The following GBP3 variants were observed in gnomAD, a reference collection of about 807,000 sequenced individuals.
The protein encoded by GBP3 is guanylate binding protein 3, also known as guanylate-binding protein 3.
GBP3 carries 55 observed loss-of-function variants against 62.4 expected under a neutral mutation model. The ratio of observed to expected loss-of-function variants is 0.88; its 90% CI spans 0.71 to 1.10. GBP3 has a LOEUF of 1.10. GBP3 is among the 50% of genes least tolerant of loss of function. GBP3 has a pLI of 0.00. For synonymous variants in GBP3, 208 were observed against 259.2 expected, an observed-to-expected ratio of 0.80 and a Z score of 1.90; for missense variants, 605 against 690.6, an observed-to-expected ratio of 0.88 and a Z score of 1.39.
intron 1 of GBP3, among the ~76,000 whole-genome samples, chr1:89,021,510 G>GCGCGCACACACACACACACACACA (rs751639388): frequency 7.6e-6 from 1 of 131,668 alleles, no homozygotes; most frequent in African/African-American, 3.0e-5. Flanking sequence ...GCGCGCGCGC[G>GCGCGCACACACACACACACACACA]CACACACACA....
chr1:89,007,940 A>G, intron 10 of GBP3, 88 bp from the exon 11 acceptor site: 9 of 1,266,606 alleles, frequency 7.1e-6, no homozygotes, highest in South Asian at 1.6e-5. Context: ...TGATTTATTT[A>G]GTACTTAGTT....
At chr1:89,020,395 G>T in intron 2 of GBP3, 137 bp downstream of exon 2, 1 of 946,412 alleles carries the variant, frequency 1.1e-6, no homozygotes, top group Non-Finnish European at 1.7e-6. Context: ...CTAGAAGAGT[G>T]AAGATAAGGA....
At chr1:89,022,053 A>C (rs199741137) in intron 1 of GBP3, among the ~76,000 whole-genome samples, 1,573 of 16,478 alleles carry the variant, frequency 0.095, 19 homozygotes, top group African/African-American at 0.19. Context: ...TCTCTCTCTC[A>C]AAAAAAAAAA....
At chr1:89,009,218 G>T in intron 9 of GBP3, 78 bp from the exon 10 acceptor site, 1 of 1,451,882 alleles carries the variant, frequency 6.9e-7, no homozygotes, top group African/African-American at 1.4e-5. Context: ...CTCCATTGTT[G>T]CTGCTGACTG....
At chr1:89,013,656 C>A in intron 5 of GBP3, 3 of 533,104 alleles carry the variant, frequency 5.6e-6, no homozygotes, top group Non-Finnish European at 9.9e-6. Context: ...CATCATTTGT[C>A]TTAGGCTGCA....
At chr1:89,021,513 C>CACACACAA (rs1679204370) in intron 1 of GBP3, among the ~76,000 whole-genome samples, 2 of 121,584 alleles carry the variant, frequency 1.6e-5, no homozygotes, top group African/African-American at 2.8e-5. Flanking sequence ...CGCGCGCGCA[C>CACACACAA]ACACACACAC....
chr1:89,021,535 CACACACACA>C (rs1679208947), intron 1 of GBP3, among the ~76,000 whole-genome samples: 6 of 144,042 alleles, frequency 4.2e-5, no homozygotes, highest in African/African-American at 7.4e-5. Context: ...CACACACACA[CACACACACA>C]CCCCAAAAAA....
At chr1:89,018,909 C>G (rs966266035) in intron 2 of GBP3, among the ~76,000 whole-genome samples, 1 of 152,240 alleles carries the variant, frequency 6.6e-6, no homozygotes. Context: ...TGCCTGGGAA[C>G]AAAGAGAGAG....
intron 10 of GBP3, chr1:89,008,698 A>G: frequency 1.7e-6 from 1 of 594,656 alleles, no homozygotes; most frequent in Non-Finnish European, 2.9e-6. Context: ...TATGATGCCT[A>G]GCATATGACA....
At chr1:89,017,440 A>C (rs1678946006) in intron 2 of GBP3, among the ~76,000 whole-genome samples, 1 of 152,220 alleles carries the variant, frequency 6.6e-6, no homozygotes, top group Admixed American at 6.5e-5. Flanking sequence ...AAGGGGAAAA[A>C]CAGACAGTAA....
intron 2 of GBP3, 55 bp downstream of exon 2, chr1:89,020,477 C>G: frequency 1.3e-6 from 2 of 1,598,528 alleles, no homozygotes; most frequent in Non-Finnish European, 1.7e-6. Flanking sequence ...ATAATGGATG[C>G]TGACTGTGTT....
chr1:89,014,752 T>G, intron 3 of GBP3, 96 bp from the exon 4 acceptor site: 7 of 1,482,286 alleles, frequency 4.7e-6, no homozygotes, highest in Non-Finnish European at 6.5e-6. Flanking sequence ...GTTAGAGTTT[T>G]CTTTTAAGAC....
rs529772997 is a variant in GBP3 at position 89,018,751 on chromosome 1, A to C, written c.190+1781T>G. Among the ~76,000 whole-genome samples the C allele has an allele frequency of 1.5e-4, 23 of 152,258 alleles. 1 individual carries two copies. In the South Asian group the frequency reaches 4.8e-3, roughly 32 times the overall value. ...ATAATCAAACGACCCTAAATCCCTC[A>C]CTAACCTTCCCCCACCCTCACTAAA... On this transcript the variant is annotated intron_variant, in intron 2 of 10. Transcript: ENST00000370481.
intron 1 of GBP3, among the ~76,000 whole-genome samples, chr1:89,021,788 T>TGAGAGA (rs146229731): frequency 0.11 from 6,944 of 65,124 alleles, 936 homozygotes; most frequent in Non-Finnish European, 0.12. Context: ...GCTGGAAAGA[T>TGAGAGA]GAGAGAGAGA....
At position 89,014,225 on chromosome 1, in the gene GBP3, A is replaced by G. The variant is rs1678753760; in HGVS notation, c.483T>C (p.Asn161=). 1.2e-6 allele frequency: 2 copies of G among 1,614,070 alleles called. No homozygotes were observed. The highest frequency in any genetic ancestry group is 2.7e-5 in the African/African-American group (2 of 74,930). Reference sequence around the variant, plus strand: ...CAAAGTCAGCTGAATCCTCATTCTCATTCTCATCAGGTGAGGATTTTGATC... The same window carrying G: ...CAAAGTCAGCTGAATCCTCATTCTCGTTCTCATCAGGTGAGGATTTTGATC... ...RIRSKSSPDE[N]ENEDSADFVS... The change falls in exon 5 of 11, where the codon AAT becomes AAC. Residue 161 remains asparagine, a synonymous_variant. Transcript: ENST00000370481.
At chr1:89,008,852 C>T (rs777994567) in intron 10 of GBP3, 95 bp downstream of exon 10, 1 of 1,582,028 alleles carries the variant, frequency 6.3e-7, no homozygotes, top group Non-Finnish European at 8.6e-7. Flanking sequence ...AATCCTTCCC[C>T]TGGGCTTTAT....
Position 89,015,364 on chromosome 1 carries a change from A to T in GBP3, c.241T>A (p.Trp81Arg). 1.2e-6 allele frequency: 2 copies of T among 1,613,582 alleles called. No homozygotes were observed. The highest frequency in any genetic ancestry group is 1.7e-6 in the Non-Finnish European group (2 of 1,179,694). ...GGCTTTTTGGGGTGAGGCACACACC[A>T]CATCCAGATTCCTTTGGTGTGAGAT... ...VKSHTKGIWM[W>R]CVPHPKKPEH... Residue 81 changes from tryptophan (W) to arginine (R), a missense_variant, in exon 3 of 11, where the codon TGG (tryptophan) becomes AGG (arginine). This residue lies in a region of GBP3 where 308 missense variants were observed against 318.0 expected (regional missense o/e 0.97). Transcript: ENST00000370481.
chr1:89,013,038 A>G, intron 6 of GBP3, 147 bp downstream of exon 6: 1 of 772,768 alleles, frequency 1.3e-6, no homozygotes, highest in Non-Finnish European at 2.1e-6. Context: ...TGGTTTTGCC[A>G]TGTGGGCTAG....
Position 89,015,387 on chromosome 1 carries a change from G to C in GBP3, c.218C>G (p.Ser73Cys), listed in dbSNP as rs753539020. The change falls in exon 3 of 11, where the codon TCT (serine) becomes TGT (cysteine). Residue 73 changes from serine to cysteine, a missense_variant. Coordinates refer to ENST00000370481, the MANE Select transcript of GBP3 (RefSeq NM_018284.3). ...KGFSLGSTVKSHTKGIWMWCV... is the reference protein window; with the variant it reads ...KGFSLGSTVKCHTKGIWMWCV... ...CCACATCCAGATTCCTTTGGTGTGA[G>C]ATTTCACTGTGGAGCCCAGAGAGAA... 7.6e-5 allele frequency: 122 copies of C among 1,613,506 alleles called. 1 individual carries two copies. The highest frequency in any genetic ancestry group is 2.6e-4 in the South Asian group (24 of 91,000).
Sources: allele counts gnomAD v4.1 joint callset (sites outside exome capture counted in the v4.1 genomes callset), GRCh38; gene constraint gnomAD v4.1.1; regional missense constraint gnomAD v4.1.1; transcripts MANE v1.5; gene names NCBI Gene and HGNC (gene_info 2026-07-23, HGNC 2026-07-21).